Variants in RET observed in about 807,000 individuals in gnomAD.
RET encodes proto-oncogene tyrosine-protein kinase receptor Ret.
In RET, 19 loss-of-function variants were observed where a neutral mutation model predicts 118.3. The ratio of observed to expected loss-of-function variants is 0.16; its 90% CI spans 0.11 to 0.24. The LOEUF is 0.24. Among genes scored for constraint, RET ranks in the 10% least tolerant of loss-of-function variants. The pLI is 1.00. For missense variants in RET, 1,219 were observed against 1,502.1 expected (o/e 0.81, Z 3.12); for synonymous variants, 597 against 644.1 (o/e 0.93, Z 1.11).
chr10:43,077,140 G>T lies in RET; in HGVS notation c.-119G>T. On this transcript the variant is annotated 5_prime_UTR_variant, in exon 1 of 20. Transcript: ENST00000355710. ...AACGTGCGTCGCGCCCCCAGTGTCC[G>T]TCGCGTCCGCCGCGCCCCGGGCGGG... 3 of 1,285,870 alleles carry T rather than the reference G, an allele frequency of 2.3e-6. No individual in the cohort carries two copies. Among genetic ancestry groups the T allele is most frequent in the South Asian group, 4.4e-5 (2 of 45,254 alleles). 79.7% of individuals were successfully genotyped at this position (1,285,870 alleles called of 1,614,324 possible). A position where few individuals can be genotyped will look rare whatever the true frequency, so the allele number is the denominator to read the frequency against.
Position 43,128,192 on chromosome 10 carries a change from T to C in RET, c.3268T>C (p.Tyr1090His). ...ADGTNTGFPR[Y>H]PNDSVYANWM... ...TGGCACTAACACTGGGTTTCCAAGA[T>C]ATCCAAATGATAGTGTATATGCTAA... Residue 1090 changes from tyrosine to histidine, a missense_variant, in exon 20 of 20, where the codon TAT becomes CAT. Coordinates refer to ENST00000355710, the MANE Select transcript of RET (RefSeq NM_020975.6). The C allele has an allele frequency of 6.2e-7, 1 of 1,614,090 alleles. No homozygotes were observed. Among genetic ancestry groups the C allele is most frequent in the Non-Finnish European group, 8.5e-7 (1 of 1,179,910 alleles).
At chr10:43,088,518 G>A (rs1313040589) in intron 1 of RET, among the ~76,000 whole-genome samples, 1 of 152,168 alleles carries the variant, frequency 6.6e-6, no homozygotes, top group South Asian at 2.1e-4. Context: ...AATGGTAGTG[G>A]TAGAGGTGAC....
At chr10:43,097,503 A>G (rs1837545895) in intron 1 of RET, among the ~76,000 whole-genome samples, 1 of 152,128 alleles carries the variant, frequency 6.6e-6, no homozygotes, top group Non-Finnish European at 1.5e-5. Flanking sequence ...CACTGCCTGC[A>G]TGGATAGCCC....
In RET at chr10:43,108,943, G is replaced by A. The variant is rs181982683; in HGVS notation, c.1064-88G>A. 1.5e-5 allele frequency: 20 copies of A among 1,321,172 alleles called. No homozygotes were observed. The African/African-American group carries it at 1.7e-4, about 11-fold the overall frequency. The allele number at this position is 1,321,172 out of a possible 1,614,324, so 81.8% of individuals were successfully genotyped here. On this transcript the variant is annotated intron_variant, in intron 5 of 19. Transcript: ENST00000355710. Reference sequence around the variant, plus strand: ...AAAGTGCGTGTTTGCACCAGTGTGAGTGCAGGGCTGTGTCTGGGAAGAGGT... The same window carrying A: ...AAAGTGCGTGTTTGCACCAGTGTGAATGCAGGGCTGTGTCTGGGAAGAGGT...
rs548774475 is a variant in RET at position 43,077,098 on chromosome 10, A to G, written c.-161A>G. 1.9e-6 allele frequency: 2 copies of G among 1,028,602 alleles called. No homozygotes were observed. Among genetic ancestry groups the G allele is most frequent in the African/African-American group, 3.4e-5 (2 of 58,572 alleles). The allele number at this position is 1,028,602 out of a possible 1,614,324, so 63.7% of individuals were successfully genotyped here. A position where few individuals can be genotyped will look rare whatever the true frequency, so the allele number is the denominator to read the frequency against. ...CCGCGACCGAAGCAGGGCGCGCAGC[A>G]GCGCTGAGTGCCCCGGAACGTGCGT... On this transcript the variant is annotated 5_prime_UTR_variant, in exon 1 of 20. Transcript: ENST00000355710.
chr10:43,085,554 T>C (rs1183381480), intron 1 of RET, among the ~76,000 whole-genome samples: 1 of 152,192 alleles, frequency 6.6e-6, no homozygotes, highest in Non-Finnish European at 1.5e-5. Flanking sequence ...CAGGAGCTCA[T>C]TCTGTGGATA....
intron 1 of RET, among the ~76,000 whole-genome samples, chr10:43,095,384 A>G (rs963983678): frequency 1.3e-5 from 2 of 152,284 alleles, no homozygotes; most frequent in Admixed American, 1.3e-4. Flanking sequence ...CTGTCCCAGC[A>G]TCTCTCCAAA....
At chr10:43,093,946 A>C (rs1256404634) in intron 1 of RET, among the ~76,000 whole-genome samples, 2 of 151,946 alleles carry the variant, frequency 1.3e-5, no homozygotes, top group Non-Finnish European at 2.9e-5. Flanking sequence ...GAGGAGCAGC[A>C]GTGTGGCCAA....
At chr10:43,127,289 G>A in intron 19 of RET, 1 of 1,070,604 alleles carries the variant, frequency 9.3e-7, no homozygotes, top group African/African-American at 1.6e-5. Flanking sequence ...GGTTGCAGGA[G>A]CTGGCTGGCC....
intron 13 of RET, among the ~76,000 whole-genome samples, chr10:43,119,052 G>T (rs998985746): frequency 2.6e-5 from 4 of 152,230 alleles, no homozygotes; most frequent in African/African-American, 9.6e-5. Flanking sequence ...TGCGCAGCAG[G>T]CACTGTGGTC....
chr10:43,125,496 T>G (rs191919145), intron 18 of RET, among the ~76,000 whole-genome samples: 23 of 152,278 alleles, frequency 1.5e-4, no homozygotes, highest in African/African-American at 5.1e-4. Flanking sequence ...GTTTATGTTG[T>G]CTCCCAGTTT....
intron 11 of RET, among the ~76,000 whole-genome samples, chr10:43,115,385 T>C (rs1838048095): frequency 6.6e-6 from 1 of 152,128 alleles, no homozygotes; most frequent in Non-Finnish European, 1.5e-5. Flanking sequence ...GGAGGGGCCA[T>C]ATCCCACAGT....
chr10:43,083,592 G>A lies in RET; in HGVS notation c.73+6261G>A, dbSNP rs536842218. The stretch of plus-strand genomic sequence containing the variant: ...TTCCGTGGGATCCTGTCACATGGTC[G>A]TTCTCACCCCAGGAGGCTTCAAGTA... On this transcript the variant is annotated intron_variant, in intron 1 of 19. Transcript: ENST00000355710. 3.9e-5 allele frequency among the ~76,000 whole-genome samples: 6 copies of A among 152,270 alleles called. No homozygotes were observed. The South Asian group carries it at 1.0e-3, about 26-fold the overall frequency.
intron 11 of RET, among the ~76,000 whole-genome samples, chr10:43,115,897 G>A (rs1838060418): frequency 6.6e-6 from 1 of 152,216 alleles, no homozygotes; most frequent in Non-Finnish European, 1.5e-5. Context: ...GGGAATGTGG[G>A]GCCAGACCAG....
chr10:43,116,900 G>T (rs1461092434), intron 12 of RET, among the ~76,000 whole-genome samples, 169 bp downstream of exon 12: 1 of 152,260 alleles, frequency 6.6e-6, no homozygotes, highest in Admixed American at 6.5e-5. Context: ...GAAGCAGAGC[G>T]AGGACTTTGC....
intron 4 of RET, 55 bp downstream of exon 4, chr10:43,105,248 G>A: frequency 6.2e-7 from 1 of 1,609,820 alleles, no homozygotes. Flanking sequence ...GCCACAGTTC[G>A]TTTCTCGGTC....
Position 43,119,774 on chromosome 10 carries a change from A to G in RET, c.2607+29A>G, listed in dbSNP as rs758368108. The stretch of plus-strand genomic sequence containing the variant: ...CGTGCATATGGCTCTGCACCCAGCC[A>G]GCCCCGGCCAGGCCACACCCTGACC... On this transcript the variant is annotated intron_variant, in intron 14 of 19. Coordinates refer to ENST00000355710, the MANE Select transcript of RET (RefSeq NM_020975.6). 13 of 1,607,096 alleles carry G rather than the reference A, an allele frequency of 8.1e-6. No individual in the cohort carries two copies. In the Admixed American group the frequency reaches 8.3e-5, roughly 10 times the overall value.
rs115460140 is a variant in RET, at chr10:43,085,735, T to A, written c.73+8404T>A. The stretch of plus-strand genomic sequence containing the variant: ...AGATGAAGACTTGGCACCACTTCCC[T>A]GGGCATCCCCTTCCCTGCATGGCAT... On this transcript the variant is annotated intron_variant, in intron 1 of 19. Transcript: ENST00000355710. Among the ~76,000 whole-genome samples, 381 of 152,322 alleles carry A rather than the reference T, an allele frequency of 2.5e-3. 1 individual carries two copies. Among genetic ancestry groups the A allele is most frequent in the African/African-American group, 8.7e-3 (360 of 41,570 alleles).
intron 16 of RET, 66 bp from the exon 17 acceptor site, chr10:43,123,605 T>C (rs1304316082): frequency 7.5e-6 from 12 of 1,607,932 alleles, no homozygotes; most frequent in Non-Finnish European, 1.0e-5. Flanking sequence ...GGTGGATATC[T>C]GGGCCCCCCG....
Sources: gnomAD v4.1 joint callset for allele counts (sites outside exome capture counted in the v4.1 genomes callset) on GRCh38, gnomAD v4.1.1 for gene constraint, MANE v1.5 for transcripts, NCBI Gene and HGNC (gene_info 2026-07-23, HGNC 2026-07-21) for gene names.